RASSF8: variants seen among roughly 807,000 people sequenced by gnomAD.
The protein encoded by RASSF8 is ras association domain-containing protein 8.
In RASSF8, 22 loss-of-function variants were observed where a neutral mutation model predicts 48.5. That is an observed-to-expected ratio of 0.45 (90% CI 0.32 to 0.65). RASSF8 has a LOEUF of 0.65. Among genes scored for constraint, RASSF8 ranks in the 30% least tolerant of loss-of-function variants. The pLI, the probability that RASSF8 is intolerant of heterozygous loss-of-function variation, is 0.03. For synonymous variants in RASSF8, 127 were observed against 171.5 expected (o/e 0.74, Z 2.03); for missense variants, 418 against 489.2 (o/e 0.85, Z 1.37).
At chr12:25,998,185 G>A (rs1185872958) in intron 2 of RASSF8, among the ~76,000 whole-genome samples, 1 of 152,102 alleles carries the variant, frequency 6.6e-6, no homozygotes, top group Non-Finnish European at 1.5e-5. Flanking sequence ...TTATTTGATG[G>A]CATTTTGTAC....
At chr12:25,983,652 C>G (rs1479983222) in intron 1 of RASSF8, among the ~76,000 whole-genome samples, 1 of 151,970 alleles carries the variant, frequency 6.6e-6, no homozygotes, top group East Asian at 1.9e-4. Context: ...TACAACCCAG[C>G]ACATGTCCAG....
At chr12:25,975,616 A>G (rs1035853392) in intron 1 of RASSF8, among the ~76,000 whole-genome samples, 2 of 152,246 alleles carry the variant, frequency 1.3e-5, no homozygotes, top group African/African-American at 4.8e-5. Context: ...GGTTGATGTT[A>G]CAAAGATAAG....
intron 1 of RASSF8, among the ~76,000 whole-genome samples, chr12:25,986,922 T>TGTTTGTTTG (rs1555160462): frequency 3.5e-5 from 1 of 28,726 alleles, no homozygotes; most frequent in Non-Finnish European, 9.7e-5. Flanking sequence ...CTACCGTTTT[T>TGTTTGTTTG]TTTTTTTGTT....
chr12:26,055,777 C>T (rs779832058), intron 3 of RASSF8, among the ~76,000 whole-genome samples: 4 of 152,144 alleles, frequency 2.6e-5, no homozygotes, highest in Admixed American at 6.5e-5. Context: ...ATTCTTAGTT[C>T]CCAGAATCCC....
chr12:26,047,584 A>G (rs1278467874), intron 2 of RASSF8, among the ~76,000 whole-genome samples: 5 of 152,184 alleles, frequency 3.3e-5, no homozygotes, highest in African/African-American at 7.2e-5. Context: ...TCAGCCTTCT[A>G]TGTTCAGTGA....
intron 2 of RASSF8, among the ~76,000 whole-genome samples, chr12:26,007,222 C>A (rs1023470502): frequency 3.9e-4 from 60 of 152,270 alleles, no homozygotes; most frequent in Non-Finnish European, 1.9e-4. Flanking sequence ...ATGACCCTGA[C>A]ACCTCCCACT....
At chr12:26,000,156 A>G (rs1942222987) in intron 2 of RASSF8, among the ~76,000 whole-genome samples, 2 of 152,228 alleles carry the variant, frequency 1.3e-5, no homozygotes. Context: ...GCTAGACATT[A>G]ATTTGAAAAT....
At chr12:25,969,128 A>C (rs1470279880) in intron 1 of RASSF8, among the ~76,000 whole-genome samples, 2 of 152,220 alleles carry the variant, frequency 1.3e-5, no homozygotes, top group African/African-American at 2.4e-5. Flanking sequence ...CCTATACCTT[A>C]GGCCTTATTG....
chr12:25,959,465 G>A (rs1941175933), intron 1 of RASSF8: 1 of 152,262 alleles, frequency 6.6e-6, no homozygotes, highest in African/African-American at 2.4e-5. Context: ...TCTTGCAAAG[G>A]GAATTTTATG....
At chr12:26,020,888 G>T (rs1454524895) in intron 2 of RASSF8, among the ~76,000 whole-genome samples, 1 of 152,088 alleles carries the variant, frequency 6.6e-6, no homozygotes, top group Non-Finnish European at 1.5e-5. Context: ...TATAAGATGA[G>T]GAAAGTAAAA....
chr12:26,057,369 CAT>C (rs1943630120), intron 3 of RASSF8, among the ~76,000 whole-genome samples: 1 of 152,088 alleles, frequency 6.6e-6, no homozygotes, highest in Non-Finnish European at 1.5e-5. Context: ...TGAGTGAGAA[CAT>C]GTGGTGTTTG....
intron 2 of RASSF8, among the ~76,000 whole-genome samples, chr12:26,016,142 AATTC>A (rs1942643208): frequency 6.6e-6 from 1 of 151,958 alleles, no homozygotes; most frequent in African/African-American, 2.4e-5. Flanking sequence ...ATGCATGGAA[AATTC>A]ATTCATTTTT....
rs150584398 is a variant in RASSF8 at position 26,014,474 on chromosome 12, C to T, written c.-109+19344C>T. On this transcript the variant is annotated intron_variant, in intron 2 of 5. Coordinates refer to ENST00000689635, the MANE Select transcript of RASSF8 (RefSeq NM_001394098.1). Reference sequence around the variant, plus strand: ...TGCGGTGTTTTATAGGAAGAACAGACACACAGCATTTTTCTGTATGTCTTG... The same window carrying T: ...TGCGGTGTTTTATAGGAAGAACAGATACACAGCATTTTTCTGTATGTCTTG... Among the ~76,000 whole-genome samples, 784 of 152,280 alleles carry T rather than the reference C, an allele frequency of 5.1e-3. 4 individuals are homozygous for T. Among genetic ancestry groups the T allele is most frequent in the Non-Finnish European group, 8.9e-3 (605 of 68,016 alleles).
intron 5 of RASSF8, among the ~76,000 whole-genome samples, chr12:26,068,401 T>C (rs1444596781): frequency 6.6e-6 from 1 of 152,186 alleles, no homozygotes; most frequent in Non-Finnish European, 1.5e-5. Context: ...TAATTTGTGC[T>C]GATATTTAAA....
Position 26,067,551 on chromosome 12 carries a change from A to G in RASSF8, c.994-18A>G. ...GTAGTGAATCCTCAAATTTAAAAAA[A>G]TAATAATTTCCATCTAGGACAAAGA... is the stretch of plus-strand genomic sequence containing the variant. On this transcript the variant is annotated intron_variant, in intron 4 of 5. Coordinates refer to ENST00000689635, the MANE Select transcript of RASSF8 (RefSeq NM_001394098.1). 2 of 1,594,156 alleles carry G rather than the reference A, an allele frequency of 1.3e-6. No individual in the cohort carries two copies. Among genetic ancestry groups the G allele is most frequent in the Non-Finnish European group, 1.7e-6 (2 of 1,169,288 alleles).
chr12:25,977,644 A>G (rs1348436620), intron 1 of RASSF8, among the ~76,000 whole-genome samples: 1 of 151,474 alleles, frequency 6.6e-6, no homozygotes, highest in Non-Finnish European at 1.5e-5. Context: ...TGCCAACTTT[A>G]GTATACAAGT....
chr12:26,064,685 T>C lies in RASSF8; in HGVS notation c.291T>C (p.Pro97=), dbSNP rs117742526. 2.8e-4 allele frequency: 452 copies of C among 1,614,086 alleles called. No homozygotes were observed. Among genetic ancestry groups the C allele is most frequent in the Non-Finnish European group, 3.7e-4 (434 of 1,179,966 alleles). ...CTTCAGACAGTGTGGCTCGAATTCCTGAAAGAACTTTATACAGGCAGAGTC... is the reference window on the plus strand; with the variant it reads ...CTTCAGACAGTGTGGCTCGAATTCCCGAAAGAACTTTATACAGGCAGAGTC... ...RPTSDSVARI[P]ERTLYRQSLP... Residue 97 remains proline, a synonymous_variant, in exon 4 of 6, where the codon CCT becomes CCC. Transcript: ENST00000689635.
intron 2 of RASSF8, among the ~76,000 whole-genome samples, chr12:26,014,378 C>T (rs1942598202): frequency 6.6e-6 from 1 of 152,158 alleles, no homozygotes; most frequent in Non-Finnish European, 1.5e-5. Context: ...ATGTGCTATC[C>T]TTGGCTCTAA....
intron 2 of RASSF8, among the ~76,000 whole-genome samples, chr12:26,040,431 G>T (rs976996958): frequency 1.3e-5 from 2 of 152,196 alleles, no homozygotes; most frequent in Non-Finnish European, 2.9e-5. Context: ...TGGTGAAGTG[G>T]CATCTTACCC....
Sources: gnomAD v4.1 joint callset for allele counts (sites outside exome capture counted in the v4.1 genomes callset) on GRCh38, gnomAD v4.1.1 for gene constraint, MANE v1.5 for transcripts, NCBI Gene and HGNC (gene_info 2026-07-23, HGNC 2026-07-21) for gene names.